Variants in DCLK1 observed in about 807,000 individuals in gnomAD.
The protein encoded by DCLK1 is doublecortin like kinase 1.
Under a neutral mutation model 86.2 loss-of-function variants are expected in DCLK1, and 16 were observed. That is an observed-to-expected ratio of 0.19 (90% confidence interval 0.13 to 0.28). The LOEUF (loss-of-function observed/expected upper bound fraction) is 0.28. Ranked by LOEUF, DCLK1 falls within the 10% of genes least tolerant of loss-of-function variation. DCLK1 has a pLI of 1.00. For missense variants in DCLK1, 590 were observed against 940.2 expected (o/e 0.63, Z 4.87); for synonymous variants, 369 against 370.5 (o/e 1.00, Z 0.05).
At chr13:36,075,436 C>T (rs977628245) in intron 3 of DCLK1, among the ~76,000 whole-genome samples, 7 of 152,178 alleles carry the variant, frequency 4.6e-5, no homozygotes, top group East Asian at 1.9e-4. Flanking sequence ...TACTTGTATG[C>T]GACATCTGAG....
At chr13:35,862,197 C>T (rs181052609) in intron 5 of DCLK1, among the ~76,000 whole-genome samples, 37 of 151,978 alleles carry the variant, frequency 2.4e-4, no homozygotes, top group African/African-American at 5.1e-4. Context: ...ATATTGTTAG[C>T]GCAGATCTCC....
intron 3 of DCLK1, among the ~76,000 whole-genome samples, chr13:36,102,023 A>G (rs951577178): frequency 3.3e-5 from 5 of 152,260 alleles, no homozygotes; most frequent in African/African-American, 7.2e-5. Context: ...GATTACAGGC[A>G]TGAGCCACCG....
At chr13:36,123,866 T>A (rs542612713) in intron 2 of DCLK1, among the ~76,000 whole-genome samples, 13 of 152,226 alleles carry the variant, frequency 8.5e-5, no homozygotes, top group Non-Finnish European at 1.6e-4. Context: ...AAGAAGATGG[T>A]GACAAGCATG....
intron 2 of DCLK1, among the ~76,000 whole-genome samples, chr13:36,123,797 A>G: frequency 6.6e-6 from 1 of 152,250 alleles, no homozygotes; most frequent in East Asian, 1.9e-4. Context: ...AGCTATCATT[A>G]TTACCTTCAG....
At chr13:35,795,179 T>C (rs762478560) in intron 15 of DCLK1, among the ~76,000 whole-genome samples, 1 of 152,216 alleles carries the variant, frequency 6.6e-6, no homozygotes, top group Non-Finnish European at 1.5e-5. Context: ...GACCTGGCCC[T>C]TAATGATGGA....
intron 10 of DCLK1, among the ~76,000 whole-genome samples, chr13:35,826,540 AAAG>A (rs1438543971): frequency 2.2e-5 from 2 of 92,754 alleles, no homozygotes; most frequent in East Asian, 6.4e-4. Flanking sequence ...AAAAAAAAAA[AAAG>A]AAAGAAAGAA....
At position 35,979,691 on chromosome 13, in the gene DCLK1, C is replaced by T. The variant is rs74784977; in HGVS notation, c.724-32234G>A. Among the ~76,000 whole-genome samples the T allele has an allele frequency of 7.2e-3, 1,099 of 152,342 alleles. 8 individuals are homozygous for T. The highest frequency in any genetic ancestry group is 0.025 in the African/African-American group (1,045 of 41,572). On this transcript the variant is annotated intron_variant, in intron 3 of 16. Transcript: ENST00000360631. ...AATCCCAGTGGCGAAAGGCCAATCA[C>T]GGTCATTTACCTTATTCAAATCTTA... is the stretch of plus-strand genomic sequence containing the variant.
intron 4 of DCLK1, among the ~76,000 whole-genome samples, chr13:35,941,013 C>T (rs984986480): frequency 6.6e-6 from 1 of 152,046 alleles, no homozygotes; most frequent in Non-Finnish European, 1.5e-5. Flanking sequence ...CATTTGAGGT[C>T]CGTTACAACA....
chr13:35,994,315 G>A (rs781353733), intron 3 of DCLK1, among the ~76,000 whole-genome samples: 6 of 152,068 alleles, frequency 3.9e-5, no homozygotes, highest in East Asian at 1.9e-4. Flanking sequence ...AAATATAAGC[G>A]TGAAAACAGG....
At chr13:36,077,140 C>T (rs1884242191) in intron 3 of DCLK1, among the ~76,000 whole-genome samples, 1 of 152,210 alleles carries the variant, frequency 6.6e-6, no homozygotes. Context: ...GGGGTAATCA[C>T]TCTGTTCTGT....
At chr13:35,968,686 A>G (rs1392920057) in intron 3 of DCLK1, among the ~76,000 whole-genome samples, 1 of 152,106 alleles carries the variant, frequency 6.6e-6, no homozygotes, top group African/African-American at 2.4e-5. Flanking sequence ...GGGCTGCGAG[A>G]TTGGGTACTG....
chr13:36,007,452 C>A (rs1281444644), intron 3 of DCLK1, among the ~76,000 whole-genome samples: 1 of 152,172 alleles, frequency 6.6e-6, no homozygotes, highest in Non-Finnish European at 1.5e-5. Context: ...CCTCTCTGTT[C>A]CCAGCAAAAT....
intron 3 of DCLK1, among the ~76,000 whole-genome samples, chr13:35,958,190 T>TACC (rs1237017860): frequency 0.016 from 93 of 5,654 alleles, no homozygotes; most frequent in Non-Finnish European, 0.04. Flanking sequence ...TAACCACCAC[T>TACC]ACCACCACCA....
chr13:35,915,420 G>A (rs1024246192), intron 4 of DCLK1, among the ~76,000 whole-genome samples: 1 of 152,178 alleles, frequency 6.6e-6, no homozygotes. Flanking sequence ...TGAGTTTTAG[G>A]CTGGGTGTGG....
At chr13:35,990,232 T>C (rs923008029) in intron 3 of DCLK1, among the ~76,000 whole-genome samples, 1 of 152,166 alleles carries the variant, frequency 6.6e-6, no homozygotes, top group African/African-American at 2.4e-5. Flanking sequence ...AATACCAAAA[T>C]ACAAATGAAA....
intron 3 of DCLK1, among the ~76,000 whole-genome samples, chr13:36,097,966 C>G (rs1885074395): frequency 6.6e-6 from 1 of 152,160 alleles, no homozygotes; most frequent in Admixed American, 6.5e-5. Flanking sequence ...AGGTACTAAT[C>G]ACTTGGGCCA....
At position 35,865,585 on chromosome 13, in the gene DCLK1, A is replaced by C. The variant is rs75877688; in HGVS notation, c.940+5639T>G. ...ATTCAACAGGTATGTGAATCATGTT[A>C]TCTGTGAGGCCTTGACTCCTATGCT... On this transcript the variant is annotated intron_variant, in intron 5 of 16. Transcript: ENST00000360631. Among the ~76,000 whole-genome samples, 1,080 of 152,322 alleles carry C rather than the reference A, an allele frequency of 7.1e-3. 18 individuals carry two copies. The highest frequency in any genetic ancestry group is 0.024 in the African/African-American group (984 of 41,570).
chr13:35,907,779 G>C (rs760756019), intron 4 of DCLK1, among the ~76,000 whole-genome samples: 7 of 148,604 alleles, frequency 4.7e-5, no homozygotes, highest in Non-Finnish European at 8.9e-5. Context: ...GGGTTAAACA[G>C]TCTTGTGAAC....
intron 2 of DCLK1, among the ~76,000 whole-genome samples, chr13:36,124,890 T>A (rs555717554): frequency 1.3e-5 from 2 of 152,188 alleles, no homozygotes; most frequent in African/African-American, 4.8e-5. Context: ...CACCTTGGTA[T>A]ACATTTAATC....
Sources: gnomAD v4.1 joint callset for allele counts (sites outside exome capture counted in the v4.1 genomes callset) on GRCh38, gnomAD v4.1.1 for gene constraint, MANE v1.5 for transcripts, NCBI Gene and HGNC (gene_info 2026-07-23, HGNC 2026-07-21) for gene names.